ZNF717: variants seen among roughly 807,000 people sequenced by gnomAD.
ZNF717 encodes zinc finger protein 717.
ZNF717 carries 9 observed loss-of-function variants against 13.8 expected under a neutral mutation model. The ratio of observed to expected loss-of-function variants is 0.65; its 90% CI spans 0.39 to 1.14. ZNF717 has a LOEUF of 1.14. Among genes scored for constraint, ZNF717 ranks in the 50% most tolerant of loss-of-function variants. ZNF717 has a pLI of 0.01. For synonymous variants in ZNF717, 327 were observed against 364.1 expected (o/e 0.90, Z 1.16); for missense variants, 1,040 against 1,080.7 (o/e 0.96, Z 0.53).
At chr3:75,696,401 C>T (rs1211026936) in intron 6 of ZNF717, among the ~76,000 whole-genome samples, 1 of 151,892 alleles carries the variant, frequency 6.6e-6, no homozygotes. Flanking sequence ...ACCCTGATAT[C>T]AAAACCAGAC....
chr3:75,738,036 A>C lies in ZNF717; in HGVS notation c.1587T>G (p.His529Gln). The change falls in exon 5 of 5, where the codon CAT becomes CAG. Residue 529 changes from histidine to glutamine, a missense_variant. Transcript: ENST00000652011. ...KSFLTVHQRT[H>Q]AGEKPYACNE... is the part of the protein sequence containing the mutation. ...TACATGCGTATGGTTTTTCCCCAGC[A>C]TGAGTTCTCTGATGGACAGTGAGGA... 7.5e-7 allele frequency: 1 copy of C among 1,341,576 alleles called. No individual in the cohort carries two copies. Among genetic ancestry groups the C allele is most frequent in the Non-Finnish European group, 9.9e-7 (1 of 1,006,068 alleles). The allele number at this position is 1,341,576 out of a possible 1,614,324, so 83.1% of individuals were successfully genotyped here. A position where few individuals can be genotyped will look rare whatever the true frequency, so the allele number is the denominator to read the frequency against.
chr3:75,768,431 G>A (rs992226714), intron 2 of ZNF717, among the ~76,000 whole-genome samples: 22 of 147,812 alleles, frequency 1.5e-4, no homozygotes, highest in Non-Finnish European at 3.3e-4. Flanking sequence ...GTGTCGGGGG[G>A]CAGATGACAG....
At chr3:75,750,573 C>A (rs1403312119) in intron 2 of ZNF717, among the ~76,000 whole-genome samples, 2 of 150,478 alleles carry the variant, frequency 1.3e-5, no homozygotes, top group African/African-American at 4.9e-5. Context: ...GATTCCAGAA[C>A]ACTGCTACGA....
chr3:75,718,582 G>T (rs1295620757), intron 4 of ZNF717, among the ~76,000 whole-genome samples: 4 of 152,046 alleles, frequency 2.6e-5, no homozygotes, highest in African/African-American at 9.7e-5. Context: ...GCCTTTTTTG[G>T]CACCAGAAAT....
intron 2 of ZNF717, among the ~76,000 whole-genome samples, chr3:75,749,506 A>G (rs1407850449): frequency 6.6e-6 from 1 of 151,180 alleles, no homozygotes; most frequent in African/African-American, 2.4e-5. Context: ...TGTCCCTCAC[A>G]TAGGACTCCA....
chr3:75,768,366 G>GA (rs1312408783), intron 2 of ZNF717, among the ~76,000 whole-genome samples: 1 of 126,668 alleles, frequency 7.9e-6, no homozygotes, highest in Non-Finnish European at 1.8e-5. Flanking sequence ...AGTGTGGGGG[G>GA]GGGGGGTAGA....
chr3:75,785,455 GC>G lies in ZNF717; in HGVS notation c.-75del, dbSNP rs1174146949. The G allele has an allele frequency of 2.6e-5, 4 of 152,696 alleles. No homozygotes were observed. Among genetic ancestry groups the G allele is most frequent in the South Asian group, 2.1e-4 (1 of 4,854 alleles). 9.5% of individuals were successfully genotyped at this position (152,696 alleles called of 1,614,324 possible). A position where few individuals can be genotyped will look rare whatever the true frequency, so the allele number is the denominator to read the frequency against. On this transcript the variant is annotated 5_prime_UTR_variant, in exon 1 of 5. It introduces an in-frame stop codon into an upstream open reading frame of the 5' UTR. Transcript: ENST00000652011. ...CCCACAACTGGGGAACACTGGTCCG[GC>G]CCCCCGGGATCCCCCGGGCCCACGG...
At chr3:75,762,103 A>G (rs1429581789) in intron 2 of ZNF717, among the ~76,000 whole-genome samples, 1 of 144,512 alleles carries the variant, frequency 6.9e-6, no homozygotes, top group African/African-American at 2.5e-5. Flanking sequence ...AGAAAAAAAG[A>G]AAAGAAAGAA....
chr3:75,730,642 T>C, intron 5 of ZNF717: 2 of 702,054 alleles, frequency 2.8e-6, no homozygotes, highest in Non-Finnish European at 5.2e-6. Context: ...ATTTTGAAAC[T>C]ATCAGAATTT....
At chr3:75,765,005 A>G (rs1405332758) in intron 2 of ZNF717, among the ~76,000 whole-genome samples, 3 of 25,782 alleles carry the variant, frequency 1.2e-4, no homozygotes, top group East Asian at 6.1e-4. Flanking sequence ...ATATATATAT[A>G]TATATATATA....
intron 2 of ZNF717, among the ~76,000 whole-genome samples, chr3:75,758,721 G>C (rs1292261505): frequency 6.6e-6 from 1 of 152,146 alleles, no homozygotes; most frequent in Non-Finnish European, 1.5e-5. Flanking sequence ...TCAGCAAGAA[G>C]ACTGCAACTT....
At chr3:75,706,869 A>C, downstream of ZNF717, among the ~76,000 whole-genome samples, 1 of 152,306 alleles carries the variant, frequency 6.6e-6, no homozygotes, top group South Asian at 2.1e-4. Context: ...GACAAGCCCC[A>C]AAACACTGCT....
At chr3:75,773,628 C>T (rs1447500990) in intron 2 of ZNF717, among the ~76,000 whole-genome samples, 2 of 152,182 alleles carry the variant, frequency 1.3e-5, no homozygotes, top group East Asian at 3.8e-4. Flanking sequence ...TCCAAGCAAC[C>T]CCTTGAACAG....
chr3:75,700,072 A>T (rs1431363200), intron 6 of ZNF717, among the ~76,000 whole-genome samples: 1 of 152,426 alleles, frequency 6.6e-6, no homozygotes, highest in Admixed American at 6.5e-5. Context: ...TACAATCCAA[A>T]GCAATCTATA....
chr3:75,736,615 G>C lies in ZNF717; in HGVS notation c.*263C>G. On this transcript the variant is annotated 3_prime_UTR_variant, in exon 5 of 5. Coordinates refer to ENST00000652011, the MANE Select transcript of ZNF717 (RefSeq NM_001290208.3). ...ATTCTATGGAGGAGAAGAGAGGTGAGGAAGTTGCAGAAGAAATGTTTGAAG... is the reference window on the plus strand; with the variant it reads ...ATTCTATGGAGGAGAAGAGAGGTGACGAAGTTGCAGAAGAAATGTTTGAAG... 2.2e-6 allele frequency: 1 copy of C among 463,468 alleles called. No individual in the cohort carries two copies. 28.7% of individuals were successfully genotyped at this position (463,468 alleles called of 1,614,324 possible). A position where few individuals can be genotyped will look rare whatever the true frequency, so the allele number is the denominator to read the frequency against.
intron 2 of ZNF717, among the ~76,000 whole-genome samples, chr3:75,767,541 A>G (rs2107615534): frequency 6.6e-6 from 1 of 152,354 alleles, no homozygotes; most frequent in Non-Finnish European, 1.5e-5. Context: ...GAGACCATTC[A>G]TGCAAGCTGG....
chr3:75,732,663 C>G (rs79820712), downstream of ZNF717, among the ~76,000 whole-genome samples: 1 of 152,236 alleles, frequency 6.6e-6, no homozygotes, highest in African/African-American at 2.4e-5. Context: ...CTTGGATTTT[C>G]TAGCCTCTAA....
At position 75,741,671 on chromosome 3, in the gene ZNF717, A is replaced by G. The variant is rs2918520; in HGVS notation, c.123T>C (p.Asp41=). The change falls in exon 3 of 5, where the codon GAT becomes GAC. Residue 41 remains aspartate (D), a synonymous_variant. Transcript: ENST00000652011. The part of the protein sequence containing the change: ...FTWEEWQDLD[D]AQRTLYRDVM... ...CGTCCCTGTACAGGGTCCTCTGAGC[A>G]TCATCCAGGTCCTGCCACTCCTCCC... The G allele has an allele frequency of 0.76, 1,169,630 of 1,537,658 alleles. 423,660 individuals carry two copies. Among genetic ancestry groups the G allele is most frequent in the Middle Eastern group, 0.8 (4,616 of 5,762 alleles).
At chr3:75,720,419 AG>A (rs1360760214) in intron 4 of ZNF717, among the ~76,000 whole-genome samples, 1 of 152,178 alleles carries the variant, frequency 6.6e-6, no homozygotes, top group Non-Finnish European at 1.5e-5. Flanking sequence ...CTCACTTATA[AG>A]TGGGAATTAA....
Sources: allele counts gnomAD v4.1 joint callset (sites outside exome capture counted in the v4.1 genomes callset), GRCh38; gene constraint gnomAD v4.1.1; transcripts MANE v1.5; gene names NCBI Gene and HGNC (gene_info 2026-07-23, HGNC 2026-07-21).